The following TNNI3K variants were observed in gnomAD, a reference collection of about 807,000 sequenced individuals.
The protein encoded by TNNI3K is TNNI3 interacting kinase, also known as serine/threonine-protein kinase TNNI3K.
In TNNI3K, 140 loss-of-function variants were observed where a neutral mutation model predicts 114.5. The observed-to-expected ratio is 1.22, with a 90% CI of 1.07 to 1.41. The LOEUF is 1.41. Among genes scored for constraint, TNNI3K ranks in the 40% most tolerant of loss-of-function variants. TNNI3K has a pLI of 0.00. For synonymous variants in TNNI3K, 347 were observed against 347.5 expected (o/e 1.00, Z 0.02); for missense variants, 1,125 against 1,007.6 (o/e 1.12, Z -1.58).
At chr1:74,349,472 G>A (rs1489177500) in intron 9 of TNNI3K, among the ~76,000 whole-genome samples, 1 of 152,144 alleles carries the variant, frequency 6.6e-6, no homozygotes, top group Non-Finnish European at 1.5e-5. Flanking sequence ...GTATCAGGAT[G>A]ATGCCGGCCT....
In TNNI3K at chr1:74,276,359, G is replaced by A. The variant is rs567080658; in HGVS notation, c.444+4651G>A. Among the ~76,000 whole-genome samples, 329 of 152,110 alleles carry A rather than the reference G, an allele frequency of 2.2e-3. 1 individual carries two copies. Among genetic ancestry groups the A allele is most frequent in the African/African-American group, 7.5e-3 (311 of 41,518 alleles). ...GGACCGAGCCTAAGAGAATCTCCCC[G>A]GAGACTTAAGGAATTATTAAATAAG... is the stretch of plus-strand genomic sequence containing the variant. On this transcript the variant is annotated intron_variant, in intron 5 of 24. Coordinates refer to ENST00000326637, the MANE Select transcript of TNNI3K (RefSeq NM_015978.3).
At chr1:74,436,447 A>G (rs1316440242) in intron 18 of TNNI3K, 27 bp from the exon 19 acceptor site, 1 of 1,564,412 alleles carries the variant, frequency 6.4e-7, no homozygotes, top group Non-Finnish European at 8.6e-7. Flanking sequence ...ATTTCCTTTG[A>G]CGTGATTTAT....
At chr1:74,335,811 A>G (rs761743629) in intron 6 of TNNI3K, among the ~76,000 whole-genome samples, 200 bp from the exon 7 acceptor site, 12 of 152,216 alleles carry the variant, frequency 7.9e-5, no homozygotes, top group Non-Finnish European at 1.2e-4. Flanking sequence ...TGAGCATGGC[A>G]GAACAGAATG....
chr1:74,387,126 G>A (rs1663525211), intron 17 of TNNI3K, among the ~76,000 whole-genome samples: 1 of 152,100 alleles, frequency 6.6e-6, no homozygotes, highest in Non-Finnish European at 1.5e-5. Flanking sequence ...AATTTCCTAT[G>A]CTTACCTTTG....
chr1:74,480,869 G>C lies in TNNI3K; in HGVS notation c.2122-8320G>C, dbSNP rs190944570. On this transcript the variant is annotated intron_variant, in intron 21 of 24. Coordinates refer to ENST00000326637, the MANE Select transcript of TNNI3K (RefSeq NM_015978.3). ...ATCCTCGATACCATTTCTGCTTAGG[G>C]AGAGCAGGGCAAGATTAAACAAGAG... is the stretch of plus-strand genomic sequence containing the variant. The C allele has an allele frequency of 2.5e-5, 18 of 717,434 alleles. No individual in the cohort carries two copies. In the African/African-American group the frequency reaches 2.6e-4, roughly 10 times the overall value. The allele number at this position is 717,434 out of a possible 1,614,324, so 44.4% of individuals were successfully genotyped here.
At chr1:74,271,214 AT>A (rs1372117829) in intron 4 of TNNI3K, among the ~76,000 whole-genome samples, 32 of 151,998 alleles carry the variant, frequency 2.1e-4, no homozygotes, top group African/African-American at 7.0e-4. Context: ...AAGAAAAAAA[AT>A]AAACCTTTAA....
At chr1:74,473,262 A>C (rs1021378681) in intron 21 of TNNI3K, among the ~76,000 whole-genome samples, 35 of 152,148 alleles carry the variant, frequency 2.3e-4, no homozygotes, top group African/African-American at 7.5e-4. Flanking sequence ...ATGAGCTTTA[A>C]AGAAGTTGAA....
chr1:74,484,521 G>A (rs565197764), intron 21 of TNNI3K, among the ~76,000 whole-genome samples: 19 of 152,244 alleles, frequency 1.2e-4, no homozygotes, highest in Admixed American at 1.0e-3. Context: ...AACAAGAAAA[G>A]GAGAAGATCG....
chr1:74,511,048 C>A (rs1670188865), intron 23 of TNNI3K, among the ~76,000 whole-genome samples: 1 of 152,050 alleles, frequency 6.6e-6, no homozygotes, highest in Non-Finnish European at 1.5e-5. Flanking sequence ...CCACCATGCC[C>A]AGCTAATGTT....
intron 5 of TNNI3K, among the ~76,000 whole-genome samples, chr1:74,293,251 G>A (rs564711558): frequency 1.3e-4 from 20 of 151,502 alleles, no homozygotes; most frequent in Admixed American, 8.5e-4. Context: ...CTTGTCTTAC[G>A]TCAAATATTA....
At chr1:74,261,860 A>G (rs569954957) in intron 4 of TNNI3K, among the ~76,000 whole-genome samples, 9 of 152,252 alleles carry the variant, frequency 5.9e-5, no homozygotes, top group East Asian at 1.9e-4. Context: ...AATTCCTATC[A>G]TTCAGAAACA....
chr1:74,447,300 G>A (rs1666744812), intron 20 of TNNI3K, among the ~76,000 whole-genome samples: 1 of 149,674 alleles, frequency 6.7e-6, no homozygotes, highest in South Asian at 2.1e-4. Context: ...TCTCTTTGAA[G>A]CAATTGTGAA....
chr1:74,473,136 A>C (rs984603358), intron 21 of TNNI3K, among the ~76,000 whole-genome samples: 2 of 152,154 alleles, frequency 1.3e-5, no homozygotes, highest in Non-Finnish European at 2.9e-5. Flanking sequence ...AATTGAGCAC[A>C]TGCTAAGAGC....
At chr1:74,346,814 C>T (rs1661022155) in intron 9 of TNNI3K, among the ~76,000 whole-genome samples, 1 of 151,606 alleles carries the variant, frequency 6.6e-6, no homozygotes, top group African/African-American at 2.4e-5. Flanking sequence ...TTGGCTTCTC[C>T]TGCAGCCTCT....
intron 17 of TNNI3K, chr1:74,378,807 AGAAGAG>A (rs1400017156): frequency 6.6e-6 from 1 of 151,068 alleles, no homozygotes; most frequent in Non-Finnish European, 1.5e-5. Context: ...TGTGCCTAGA[AGAAGAG>A]GAAATGAGTT....
chr1:74,289,485 T>A (rs1657543477), intron 5 of TNNI3K, among the ~76,000 whole-genome samples: 1 of 2,496 alleles, frequency 4.0e-4, no homozygotes. Flanking sequence ...CCATAGGTAG[T>A]GTCATTAGTC....
chr1:74,527,432 T>C (rs1646517880), intron 23 of TNNI3K, among the ~76,000 whole-genome samples: 2 of 151,750 alleles, frequency 1.3e-5, no homozygotes, highest in South Asian at 4.2e-4. Flanking sequence ...TTAGATGGAG[T>C]GGTAAATGAC....
intron 20 of TNNI3K, among the ~76,000 whole-genome samples, chr1:74,453,828 C>T (rs181494563): frequency 6.6e-6 from 1 of 152,294 alleles, no homozygotes; most frequent in African/African-American, 2.4e-5. Flanking sequence ...GACTCACGCT[C>T]CAGCCAAACA....
intron 5 of TNNI3K, among the ~76,000 whole-genome samples, chr1:74,292,417 G>C (rs1657739424): frequency 1.3e-5 from 2 of 151,246 alleles, no homozygotes; most frequent in East Asian, 1.9e-4. Flanking sequence ...TTTTGTTACT[G>C]TTCAGTTTAA....
Sources: allele counts gnomAD v4.1 joint callset (sites outside exome capture counted in the v4.1 genomes callset), GRCh38; gene constraint gnomAD v4.1.1; transcripts MANE v1.5; gene names NCBI Gene and HGNC (gene_info 2026-07-23, HGNC 2026-07-21).